Variants in DST observed in about 807,000 individuals in gnomAD.
DST encodes dystonin, also known as bullous pemphigoid antigen.
In DST, 253 loss-of-function variants were observed where a neutral mutation model predicts 875.2. The observed-to-expected ratio is 0.29, with a 90% confidence interval of 0.26 to 0.32. DST has a LOEUF of 0.32. DST is among the 10% of genes least tolerant of loss of function. The pLI, the probability that DST is intolerant of heterozygous loss-of-function variation, is 1.00. For missense variants in DST, 8,287 were observed against 9,111.6 expected (o/e 0.91, Z 3.68); for synonymous variants, 3,124 against 3,197.1 (o/e 0.98, Z 0.77).
chr6:56,888,377 G>T (rs1369929032), intron 3 of DST, among the ~76,000 whole-genome samples: 2 of 152,154 alleles, frequency 1.3e-5, no homozygotes, highest in Non-Finnish European at 2.9e-5. Context: ...ATTAGCAAAA[G>T]AAATTTGACT....
chr6:56,570,110 G>A lies in DST; in HGVS notation c.13722-98C>T, dbSNP rs535517481. The A allele has an allele frequency of 4.1e-4, 362 of 883,276 alleles. 1 individual carries two copies. The African/African-American group carries it at 5.5e-3, about 13-fold the overall frequency. The allele number at this position is 883,276 out of a possible 1,614,324, so 54.7% of individuals were successfully genotyped here. ...ACAATGTTAAGAAACCATCTTCCAT[G>A]TACTCTAACCCTTTGATACAGGAGG... On this transcript the variant is annotated intron_variant, in intron 53 of 103. Coordinates refer to ENST00000680361, the MANE Select transcript of DST (RefSeq NM_001374736.1).
At chr6:56,904,126 A>C (rs1795318444) in intron 2 of DST, among the ~76,000 whole-genome samples, 1 of 152,258 alleles carries the variant, frequency 6.6e-6, no homozygotes, top group African/African-American at 2.4e-5. Flanking sequence ...AACATTCACT[A>C]TAATTACTAT....
At chr6:56,905,216 CGT>C (rs150944175) in intron 2 of DST, among the ~76,000 whole-genome samples, 26 of 150,292 alleles carry the variant, frequency 1.7e-4, no homozygotes, top group South Asian at 4.2e-4. Flanking sequence ...GATGTGCACT[CGT>C]GTGTGTGTGT....
Position 56,517,530 on chromosome 6 carries a change from G to C in DST, c.18220C>G (p.Gln6074Glu), listed in dbSNP as rs749777920. The C allele has an allele frequency of 6.2e-7, 1 of 1,613,018 alleles. No homozygotes were observed. The highest frequency in any genetic ancestry group is 8.5e-7 in the Non-Finnish European group (1 of 1,179,502). ...SLGDIRLEQD[Q>E]TSAQLQVQKT... Reference sequence around the variant, plus strand: ...TGAACTTGAAGCTGAGCAGAAGTCTGGTCTTGCTCAAGCCTGATGTCACCC... The same window carrying C: ...TGAACTTGAAGCTGAGCAGAAGTCTCGTCTTGCTCAAGCCTGATGTCACCC... Residue 6074 changes from glutamine to glutamate, a missense_variant, in exon 70 of 104, where the codon CAG (glutamine) becomes GAG (glutamate). By Grantham distance (29) the Gln-to-Glu change is conservative. Transcript: ENST00000680361.
At chr6:56,621,510 G>A (rs2098690511) in intron 36 of DST, among the ~76,000 whole-genome samples, 1 of 152,048 alleles carries the variant, frequency 6.6e-6, no homozygotes, top group African/African-American at 2.4e-5. Context: ...ACTTTGACAA[G>A]CACCTTTAAA....
rs1330349598 is a variant in DST at position 56,608,084 on chromosome 6, C to T, written c.6544G>A (p.Val2182Ile). 2 of 1,613,646 alleles carry T rather than the reference C, an allele frequency of 1.2e-6. No individual in the cohort carries two copies. The highest frequency in any genetic ancestry group is 1.7e-5 in the Admixed American group (1 of 59,950). Residue 2182 changes from valine to isoleucine, a missense_variant, in exon 40 of 104, where the codon GTT (valine) becomes ATT (isoleucine). This residue lies in a region of DST where 3,138 missense variants were observed against 3,116.6 expected (regional missense o/e 1.01). Transcript: ENST00000680361. ...GTGACAGGTTCTTCTCCATCAAAAA[C>T]ATCCTCTTCTTGTCTGTAATCATGA... The part of the protein sequence containing the change: ...TVHDYRQEED[V>I]FDGEEPVTTQ...
intron 2 of DST, among the ~76,000 whole-genome samples, chr6:56,902,553 G>A (rs1410809005): frequency 6.6e-6 from 1 of 152,232 alleles, no homozygotes; most frequent in African/African-American, 2.4e-5. Flanking sequence ...GTCAAAAGTA[G>A]CAATGAGGTC....
At chr6:56,690,882 T>C (rs899703678) in intron 9 of DST, among the ~76,000 whole-genome samples, 2 of 152,204 alleles carry the variant, frequency 1.3e-5, no homozygotes, top group Non-Finnish European at 2.9e-5. Context: ...ACTCTTGATT[T>C]GGACTCTTTG....
At chr6:56,948,577 T>C (rs1241089332) in intron 2 of DST, among the ~76,000 whole-genome samples, 1 of 152,160 alleles carries the variant, frequency 6.6e-6, no homozygotes, top group African/African-American at 2.4e-5. Flanking sequence ...TTCCACTCAA[T>C]ATTTTCACAC....
At chr6:56,929,318 C>T (rs1242126501) in intron 2 of DST, among the ~76,000 whole-genome samples, 1 of 152,088 alleles carries the variant, frequency 6.6e-6, no homozygotes. Context: ...ATCCCAAATA[C>T]ATTAATAGGC....
chr6:56,814,254 AAACT>A (rs1468052642), intron 4 of DST, among the ~76,000 whole-genome samples: 3 of 152,170 alleles, frequency 2.0e-5, no homozygotes, highest in Non-Finnish European at 4.4e-5. Context: ...CAAAGAAAAC[AAACT>A]ATTTCACTTT....
At chr6:56,629,539 A>G in intron 31 of DST, 96 bp from the exon 32 acceptor site, 1 of 928,654 alleles carries the variant, frequency 1.1e-6, no homozygotes, top group Non-Finnish European at 1.7e-6. Context: ...TACAAATGAC[A>G]GGTAGAAAAT....
chr6:56,500,591 T>C (rs2096086404), intron 80 of DST, among the ~76,000 whole-genome samples: 2 of 152,002 alleles, frequency 1.3e-5, no homozygotes, highest in African/African-American at 4.8e-5. Context: ...TAAGAAGAGA[T>C]GTACAGACAG....
At chr6:56,748,487 T>C (rs185826431) in intron 4 of DST, among the ~76,000 whole-genome samples, 37 of 152,320 alleles carry the variant, frequency 2.4e-4, no homozygotes, top group Admixed American at 9.8e-4. Context: ...AGTATTCTTA[T>C]AAGCACTAAA....
intron 82 of DST, 132 bp from the exon 83 acceptor site, chr6:56,494,312 G>A (rs1304114703): frequency 1.4e-5 from 10 of 698,780 alleles, no homozygotes; most frequent in East Asian, 5.5e-5. Context: ...CAACCTTGAC[G>A]CATTTATACT....
chr6:56,617,976 C>CA, intron 36 of DST: 1 of 1,609,846 alleles, frequency 6.2e-7, no homozygotes, highest in South Asian at 1.1e-5. Context: ...TCTCAGAACA[C>CA]AGAGTATACC....
At chr6:56,928,121 G>A (rs997198022) in intron 2 of DST, among the ~76,000 whole-genome samples, 2 of 152,150 alleles carry the variant, frequency 1.3e-5, no homozygotes, top group African/African-American at 4.8e-5. Context: ...GCTGCTGCTG[G>A]TACCTACAAG....
At chr6:56,821,711 A>G (rs896348546) in intron 4 of DST, among the ~76,000 whole-genome samples, 1 of 151,240 alleles carries the variant, frequency 6.6e-6, no homozygotes, top group Non-Finnish European at 1.5e-5. Flanking sequence ...CTATGAAAAC[A>G]GTTTTACTAA....
rs1375678226 is a variant in DST at position 56,515,478 on chromosome 6, G to A, written c.18548C>T (p.Thr6183Ile). The A allele has an allele frequency of 6.2e-7, 1 of 1,613,742 alleles. No homozygotes were observed. Among genetic ancestry groups the A allele is most frequent in the East Asian group, 2.2e-5 (1 of 44,896 alleles). ...QLPAPALEYE[T>I]LRQQQEEHRQ... ...ATGTTCTTCCTGCTGCTGCCTTAGA[G>A]TTTCATATTCAAGGGCTGGGGCGGG... The change falls in exon 72 of 104, where the codon ACT becomes ATT. Residue 6183 changes from threonine (T) to isoleucine (I), a missense_variant. Thr to Ile is a moderately conservative substitution (Grantham distance 89). Around this residue, in one of 10 missense-constraint regions of DST, gnomAD observed 1,292 missense variants for 1,552.7 expected, o/e 0.83. Coordinates refer to ENST00000680361, the MANE Select transcript of DST (RefSeq NM_001374736.1).
Sources: allele counts gnomAD v4.1 joint callset (sites outside exome capture counted in the v4.1 genomes callset), GRCh38; gene constraint gnomAD v4.1.1; regional missense constraint gnomAD v4.1.1; transcripts MANE v1.5; gene names NCBI Gene and HGNC (gene_info 2026-07-23, HGNC 2026-07-21).